ATAD2B: variants seen among roughly 807,000 people sequenced by gnomAD.
ATAD2B encodes the protein ATPase family AAA domain-containing protein 2B.
Under a neutral mutation model 167.6 loss-of-function variants are expected in ATAD2B, and 40 were observed. The observed-to-expected ratio is 0.24, with a 90% CI of 0.19 to 0.31. The LOEUF (loss-of-function observed/expected upper bound fraction) is 0.31, where lower values mean the gene tolerates loss of function less well. Among genes scored for constraint, ATAD2B ranks in the 10% least tolerant of loss-of-function variants. The pLI is 1.00. For missense variants in ATAD2B, 1,242 were observed against 1,757.2 expected, an observed-to-expected ratio of 0.71 and a Z score of 5.24; for synonymous variants, 579 against 596.5, an observed-to-expected ratio of 0.97 and a Z score of 0.43.
At chr2:23,760,341 T>C (rs1255795383) in intron 24 of ATAD2B, among the ~76,000 whole-genome samples, 2 of 152,174 alleles carry the variant, frequency 1.3e-5, no homozygotes, top group East Asian at 3.8e-4. Flanking sequence ...AGAGTATATA[T>C]TAGTATTTGT....
intron 1 of ATAD2B, among the ~76,000 whole-genome samples, chr2:23,910,677 G>A (rs539342531): frequency 9.7e-4 from 146 of 151,018 alleles, no homozygotes; most frequent in African/African-American, 3.5e-3. Context: ...AGACCAGCCT[G>A]ACCAATATGA....
At chr2:23,832,719 T>C (rs1185342512) in intron 14 of ATAD2B, 1 of 152,664 alleles carries the variant, frequency 6.6e-6, no homozygotes, top group Non-Finnish European at 1.5e-5. Flanking sequence ...GTGATTGGCA[T>C]ATAGACTCTG....
intron 22 of ATAD2B, among the ~76,000 whole-genome samples, chr2:23,776,233 G>A (rs903954173): frequency 6.6e-6 from 1 of 152,166 alleles, no homozygotes; most frequent in African/African-American, 2.4e-5. Flanking sequence ...TCCTCCATTG[G>A]TTTACCTTCC....
At chr2:23,725,873 T>G in the ATAD2B span, among the ~76,000 whole-genome samples, 1 of 152,116 alleles carries the variant, frequency 6.6e-6, no homozygotes, top group South Asian at 2.1e-4. Context: ...AGAAAATAAG[T>G]ATCAGTGAGA....
At chr2:23,807,449 C>T (rs1425863018) in intron 18 of ATAD2B, among the ~76,000 whole-genome samples, 4 of 152,228 alleles carry the variant, frequency 2.6e-5, no homozygotes, top group South Asian at 4.2e-4. Flanking sequence ...CAAAATTCTT[C>T]GCTTTTGGTT....
At chr2:23,824,975 C>T (rs1297849096) in intron 15 of ATAD2B, among the ~76,000 whole-genome samples, 1 of 152,092 alleles carries the variant, frequency 6.6e-6, no homozygotes, top group African/African-American at 2.4e-5. Context: ...ACAGCATTAT[C>T]GCTCTGTTGC....
chr2:23,769,015 T>C (rs1407359823), intron 22 of ATAD2B, among the ~76,000 whole-genome samples: 1 of 152,216 alleles, frequency 6.6e-6, no homozygotes, highest in Non-Finnish European at 1.5e-5. Context: ...TAATTTTCCT[T>C]GGGTTAATAC....
the ATAD2B span, among the ~76,000 whole-genome samples, chr2:23,686,205 C>T: frequency 1.3e-5 from 2 of 152,086 alleles, no homozygotes; most frequent in African/African-American, 4.8e-5. Context: ...AAGCCCTGAC[C>T]CCATGCTAGG....
chr2:23,796,130 C>T (rs1682582760), intron 19 of ATAD2B, among the ~76,000 whole-genome samples: 1 of 152,114 alleles, frequency 6.6e-6, no homozygotes, highest in Non-Finnish European at 1.5e-5. Context: ...GAATTTCCTA[C>T]AAACTATTAG....
intron 16 of ATAD2B, 96 bp from the exon 17 acceptor site, chr2:23,819,978 G>C (rs1008632539): frequency 1.4e-4 from 112 of 806,166 alleles, no homozygotes; most frequent in Non-Finnish European, 1.7e-4. Context: ...AAAATCAAAT[G>C]ACATTAATAA....
intron 23 of ATAD2B, among the ~76,000 whole-genome samples, chr2:23,763,756 A>G (rs138887672): frequency 1.3e-5 from 2 of 152,078 alleles, no homozygotes; most frequent in African/African-American, 4.8e-5. Flanking sequence ...CGCCTAGCTA[A>G]TATTTCTCAC....
Position 23,750,552 on chromosome 2 carries a change from C to A in ATAD2B, c.*1494G>T, listed in dbSNP as rs1196139705. ...AAAAAGCTGAGGTAGCTCAGAATCT[C>A]TGCAGTAGTCCAAGACCATTCGCCC... On this transcript the variant is annotated 3_prime_UTR_variant, in exon 28 of 28. Coordinates refer to ENST00000238789, the MANE Select transcript of ATAD2B (RefSeq NM_017552.4). 1 of 152,138 alleles carries A rather than the reference C, an allele frequency of 6.6e-6. No individual in the cohort carries two copies. The highest frequency in any genetic ancestry group is 1.5e-5 in the Non-Finnish European group (1 of 68,000). 9.4% of individuals were successfully genotyped at this position (152,138 alleles called of 1,614,324 possible).
At chr2:23,807,030 G>A (rs915536214) in intron 18 of ATAD2B, among the ~76,000 whole-genome samples, 1 of 152,088 alleles carries the variant, frequency 6.6e-6, no homozygotes, top group Non-Finnish European at 1.5e-5. Flanking sequence ...TTCTAGCCAG[G>A]CATGGCTCTC....
intron 18 of ATAD2B, among the ~76,000 whole-genome samples, chr2:23,807,815 TA>T (rs375966207): frequency 0.34 from 40,890 of 118,886 alleles, 7,476 homozygotes; most frequent in East Asian, 0.62. Flanking sequence ...GACTCCATCT[TA>T]AAAAAAAAAA....
At chr2:23,912,707 G>A (rs1204476774) in intron 1 of ATAD2B, among the ~76,000 whole-genome samples, 1 of 152,008 alleles carries the variant, frequency 6.6e-6, no homozygotes, top group Non-Finnish European at 1.5e-5. Flanking sequence ...ATCTTAATAT[G>A]GGGCCGGGCA....
intron 12 of ATAD2B, among the ~76,000 whole-genome samples, chr2:23,861,002 C>A (rs753556437): frequency 2.0e-5 from 3 of 151,824 alleles, no homozygotes; most frequent in African/African-American, 7.3e-5. Flanking sequence ...AATTCAACTA[C>A]AAGATAGGGG....
chr2:23,760,543 G>A (rs541641880), intron 24 of ATAD2B, among the ~76,000 whole-genome samples: 3 of 151,694 alleles, frequency 2.0e-5, no homozygotes, highest in African/African-American at 7.3e-5. Context: ...GGCGCCTGTC[G>A]TCCCAGTAGC....
intron 7 of ATAD2B, 45 bp downstream of exon 7, chr2:23,880,594 G>T: frequency 3.8e-6 from 4 of 1,055,114 alleles, no homozygotes; most frequent in Non-Finnish European, 5.6e-6. Context: ...GGCAGAATAA[G>T]TTACTCAACT....
intron 2 of ATAD2B, among the ~76,000 whole-genome samples, chr2:23,891,201 G>C (rs1699433803): frequency 6.6e-6 from 1 of 151,998 alleles, no homozygotes; most frequent in Non-Finnish European, 1.5e-5. Context: ...TTGTATTTTA[G>C]TAGAGACAGG....
Sources: allele counts gnomAD v4.1 joint callset (sites outside exome capture counted in the v4.1 genomes callset), GRCh38; gene constraint gnomAD v4.1.1; transcripts MANE v1.5; gene names NCBI Gene and HGNC (gene_info 2026-07-23, HGNC 2026-07-21).